SYTL5: variants seen among roughly 807,000 people sequenced by gnomAD.
SYTL5 encodes the protein synaptotagmin like 5, also known as synaptotagmin-like protein 5.
In SYTL5, 34 loss-of-function variants were observed where a neutral mutation model predicts 55.9. That is an observed-to-expected ratio of 0.61 (90% confidence interval 0.46 to 0.81). The LOEUF (loss-of-function observed/expected upper bound fraction) is 0.81. Among genes scored for constraint, SYTL5 ranks in the 30% least tolerant of loss-of-function variants. The pLI is 0.00. For missense variants in SYTL5, 637 were observed against 546.7 expected (o/e 1.17, Z -1.65); for synonymous variants, 221 against 188.7 (o/e 1.17, Z -1.40).
intron 2 of SYTL5, among the ~76,000 whole-genome samples, chrX:38,035,333 TA>T (rs1447530510): frequency 8.9e-6 from 1 of 112,533 alleles, no homozygotes; most frequent in African/African-American, 3.2e-5. Context: ...ATGTTGTTTA[TA>T]GGGGGTGACA....
chrX:38,050,617 A>T (rs921388872), intron 2 of SYTL5, among the ~76,000 whole-genome samples: 2 of 108,428 alleles, frequency 1.8e-5, no homozygotes, highest in African/African-American at 6.7e-5. Context: ...AACTAAAATT[A>T]AAAAAAAAAT....
chrX:38,013,365 T>C (rs1349802774), intron 1 of SYTL5, among the ~76,000 whole-genome samples: 1 of 112,087 alleles, frequency 8.9e-6, no homozygotes, highest in Non-Finnish European at 1.9e-5. Context: ...AGTAGGTTCC[T>C]GAACAGTGAG....
chrX:37,938,623 C>T, the SYTL5 span, among the ~76,000 whole-genome samples: 32 of 111,372 alleles, frequency 2.9e-4, no homozygotes, highest in African/African-American at 9.8e-4. Flanking sequence ...CTCTGTCTCT[C>T]TTTCTCTCTC....
upstream of SYTL5, among the ~76,000 whole-genome samples, chrX:38,004,629 G>C (rs987204087): frequency 9.0e-6 from 1 of 111,397 alleles, no homozygotes; most frequent in Non-Finnish European, 1.9e-5. Context: ...GCAACAACAT[G>C]GATGGAACTG....
chrX:37,955,932 C>T, the SYTL5 span, among the ~76,000 whole-genome samples: 5 of 111,596 alleles, frequency 4.5e-5, no homozygotes, highest in Non-Finnish European at 9.4e-5. Flanking sequence ...GGCCTGTTTT[C>T]CATGGTGGAC....
Position 38,116,584 on chromosome X carries a change from A to G in SYTL5, c.1597-3774A>G, listed in dbSNP as rs777707205. On this transcript the variant is annotated intron_variant, in intron 13 of 16. Coordinates refer to ENST00000297875, the MANE Select transcript of SYTL5 (RefSeq NM_138780.3). ...AAGTAAACAAAATGCAAATTCTTCT[A>G]AAAAATGTATGATTTTTTCTAACCT... is the stretch of plus-strand genomic sequence containing the variant. Among the ~76,000 whole-genome samples, 7 of 112,738 alleles carry G rather than the reference A, an allele frequency of 6.2e-5. No homozygotes were observed. In the East Asian group the frequency reaches 1.7e-3, roughly 27 times the overall value.
At chrX:37,986,332 G>A in the SYTL5 span, among the ~76,000 whole-genome samples, 4 of 110,753 alleles carry the variant, frequency 3.6e-5, no homozygotes, top group Admixed American at 3.8e-4. Flanking sequence ...ACTCTAAGGG[G>A]GTCCACATGA....
chrX:38,051,444 A>G (rs987300364), intron 2 of SYTL5, among the ~76,000 whole-genome samples: 6 of 111,673 alleles, frequency 5.4e-5, no homozygotes, highest in African/African-American at 2.0e-4. Flanking sequence ...GTGAGATTGC[A>G]TGGTGGTTCC....
the SYTL5 span, among the ~76,000 whole-genome samples, chrX:37,960,172 A>C: frequency 4.3e-4 from 48 of 111,469 alleles, no homozygotes; most frequent in Non-Finnish European, 7.9e-4. Flanking sequence ...AAGATCTCCA[A>C]GAGTTTTTCT....
At chrX:37,928,615 TACCCA>T in the SYTL5 span, among the ~76,000 whole-genome samples, 1 of 111,797 alleles carries the variant, frequency 8.9e-6, no homozygotes, top group Non-Finnish European at 1.9e-5. Context: ...TCTCTGGATC[TACCCA>T]AGAGAATCTA....
the SYTL5 span, among the ~76,000 whole-genome samples, chrX:37,986,265 G>A: frequency 1.8e-5 from 2 of 109,798 alleles, no homozygotes; most frequent in Admixed American, 9.6e-5. Flanking sequence ...CAAGACTCAC[G>A]TCTCCAACAA....
chrX:37,949,788 C>A, the SYTL5 span, among the ~76,000 whole-genome samples: 9 of 111,588 alleles, frequency 8.1e-5, no homozygotes, highest in African/African-American at 2.9e-4. Context: ...ACCCTGGGTA[C>A]AACATTTAAA....
At chrX:37,927,882 G>A in the SYTL5 span, among the ~76,000 whole-genome samples, 1 of 111,644 alleles carries the variant, frequency 9.0e-6, no homozygotes, top group African/African-American at 3.3e-5. Flanking sequence ...CATCAGTCAA[G>A]CCACCATAAC....
the SYTL5 span, among the ~76,000 whole-genome samples, chrX:37,995,437 A>G: frequency 8.9e-6 from 1 of 111,890 alleles, no homozygotes; most frequent in South Asian, 3.8e-4. Flanking sequence ...TTCTTGCCAC[A>G]TGATTTCCAC....
chrX:37,900,483 A>G, the SYTL5 span, among the ~76,000 whole-genome samples: 2 of 112,152 alleles, frequency 1.8e-5, no homozygotes, highest in African/African-American at 6.5e-5. Context: ...GACCTCAGTA[A>G]TACATGACTT....
intron 2 of SYTL5, among the ~76,000 whole-genome samples, chrX:38,051,184 T>C (rs1298677674): frequency 9.0e-6 from 1 of 111,607 alleles, no homozygotes; most frequent in Non-Finnish European, 1.9e-5. Context: ...CTATCTCCTA[T>C]CTGTAGACAG....
the SYTL5 span, chrX:37,946,461 GA>G: frequency 4.0e-6 from 1 of 249,188 alleles, no homozygotes; most frequent in South Asian, 4.8e-5. Context: ...ACATCCTTTG[GA>G]AATTCTAATT....
chrX:38,009,575 A>G (rs1220748818), intron 1 of SYTL5, among the ~76,000 whole-genome samples: 1 of 111,384 alleles, frequency 9.0e-6, no homozygotes, highest in East Asian at 2.8e-4. Context: ...TCTAGAAGCC[A>G]TCCTCTCTCA....
the SYTL5 span, among the ~76,000 whole-genome samples, chrX:37,954,598 CT>C: frequency 3.6e-5 from 4 of 112,006 alleles, no homozygotes; most frequent in Admixed American, 2.8e-4. Flanking sequence ...TCTAATTGAC[CT>C]TTGCTTTCAA....
Sources: gnomAD v4.1 joint callset for allele counts (sites outside exome capture counted in the v4.1 genomes callset) on GRCh38, gnomAD v4.1.1 for gene constraint, MANE v1.5 for transcripts, NCBI Gene and HGNC (gene_info 2026-07-23, HGNC 2026-07-21) for gene names.